The following AFF3 variants were observed in gnomAD, a reference collection of about 807,000 sequenced individuals.
AFF3 encodes the protein ALF transcription elongation factor 3, also known as AF4/FMR2 family member 3.
Under a neutral mutation model 129.7 loss-of-function variants are expected in AFF3, and 32 were observed. The ratio of observed to expected loss-of-function variants is 0.25; its 90% CI spans 0.19 to 0.33. AFF3 has a LOEUF of 0.33. AFF3 is among the 10% of genes least tolerant of loss of function. AFF3 has a pLI of 1.00. For missense variants in AFF3, 1,373 were observed against 1,592.0 expected, an observed-to-expected ratio of 0.86 and a Z score of 2.34; for synonymous variants, 644 against 635.4, an observed-to-expected ratio of 1.01 and a Z score of -0.20.
intron 12 of AFF3, among the ~76,000 whole-genome samples, chr2:99,669,799 G>T (rs1006628912): frequency 6.6e-6 from 1 of 152,060 alleles, no homozygotes; most frequent in African/African-American, 2.4e-5. Context: ...GTGAAACCCC[G>T]TCTCTAGTGA....
intron 7 of AFF3, among the ~76,000 whole-genome samples, chr2:99,858,507 C>T (rs1432811917): frequency 6.6e-6 from 1 of 152,074 alleles, no homozygotes; most frequent in East Asian, 1.9e-4. Context: ...GCCACAATCT[C>T]CCCACTGCAC....
chr2:99,715,672 A>G (rs1575773682), intron 11 of AFF3, among the ~76,000 whole-genome samples: 1 of 132,828 alleles, frequency 7.5e-6, no homozygotes, highest in South Asian at 2.7e-4. Flanking sequence ...GTCATTTCAA[A>G]TCTTTTTTTT....
In AFF3 at chr2:99,981,134, TCAGCCTCCCAAGTAGCTGGGATTACAGG is replaced by T. The variant is rs1679362005; in HGVS notation, c.873+25470_873+25497del. On this transcript the variant is annotated intron_variant, in intron 7 of 24. Coordinates refer to ENST00000672756, the MANE Select transcript of AFF3 (RefSeq NM_001386135.1). ...CCCAGGTTCAAGCGATTCTCCTGCC[TCAGCCTCCCAAGTAGCTGGGATTACAGG>T]CATGCACCACCATGCCCGGCTAATT... Among the ~76,000 whole-genome samples the T allele has an allele frequency of 2.6e-5, 4 of 152,322 alleles. No individual in the cohort carries two copies. The South Asian group carries it at 8.3e-4, about 32-fold the overall frequency.
intron 11 of AFF3, among the ~76,000 whole-genome samples, chr2:99,684,995 G>C (rs1674913185): frequency 6.7e-6 from 1 of 149,678 alleles, no homozygotes; most frequent in Non-Finnish European, 1.5e-5. Context: ...CTGAGGTGCA[G>C]TGGTGCTATC....
At chr2:99,796,108 G>A (rs1685542848) in intron 8 of AFF3, among the ~76,000 whole-genome samples, 1 of 152,072 alleles carries the variant, frequency 6.6e-6, no homozygotes, top group African/African-American at 2.4e-5. Context: ...ACTCTCACCT[G>A]CAATCAAAAC....
chr2:99,585,798 G>A lies in AFF3; in HGVS notation c.2591+1356C>T, dbSNP rs149811235. On this transcript the variant is annotated intron_variant, in intron 16 of 24. Coordinates refer to ENST00000672756, the MANE Select transcript of AFF3 (RefSeq NM_001386135.1). ...GGCTGGAGTGCCATGGCACAATCTC[G>A]GCTCCCTGCAACCTCTGCCTCCCGG... 3.8e-4 allele frequency among the ~76,000 whole-genome samples: 58 copies of A among 152,008 alleles called. 1 individual carries two copies. Among genetic ancestry groups the A allele is most frequent in the East Asian group, 2.3e-3 (12 of 5,174 alleles).
chr2:99,913,317 G>T (rs1576337306), intron 7 of AFF3, among the ~76,000 whole-genome samples: 1 of 152,230 alleles, frequency 6.6e-6, no homozygotes, highest in East Asian at 1.9e-4. Flanking sequence ...GTATACTGTG[G>T]ATAGTGGGAA....
chr2:99,791,258 G>T (rs376858124), intron 8 of AFF3, among the ~76,000 whole-genome samples: 1 of 152,220 alleles, frequency 6.6e-6, no homozygotes, highest in East Asian at 1.9e-4. Flanking sequence ...TTGGCGGATT[G>T]GTTCTAGGAC....
intron 8 of AFF3, among the ~76,000 whole-genome samples, chr2:99,771,999 G>T (rs1398305642): frequency 6.6e-6 from 1 of 152,180 alleles, no homozygotes. Context: ...GCTTCGGCAG[G>T]ATTTCTTAAG....
At chr2:99,637,859 T>C (rs563499757) in intron 13 of AFF3, among the ~76,000 whole-genome samples, 1 of 152,322 alleles carries the variant, frequency 6.6e-6, no homozygotes, top group African/African-American at 2.4e-5. Flanking sequence ...AAATGAACCA[T>C]TATGCATTAG....
At chr2:99,640,202 A>T (rs1044170559) in intron 13 of AFF3, among the ~76,000 whole-genome samples, 16 of 152,168 alleles carry the variant, frequency 1.1e-4, no homozygotes, top group African/African-American at 3.9e-4. Context: ...TTTCTATAAT[A>T]TCAATGTAAA....
At chr2:100,120,264 G>T (rs1691903961) in intron 2 of AFF3, among the ~76,000 whole-genome samples, 1 of 152,134 alleles carries the variant, frequency 6.6e-6, no homozygotes, top group Non-Finnish European at 1.5e-5. Context: ...GACACATTCA[G>T]CATGAAACCG....
rs915509056 is a variant in AFF3, at chr2:100,004,777, C to T, written c.873+1855G>A. Reference sequence around the variant, plus strand: ...TGTGGGAGTGGACTGATTAAACAGACAAGTGTTATAAGGTTCAAATTACAA... The same window carrying T: ...TGTGGGAGTGGACTGATTAAACAGATAAGTGTTATAAGGTTCAAATTACAA... On this transcript the variant is annotated intron_variant, in intron 7 of 24. Transcript: ENST00000672756. 1.3e-5 allele frequency among the ~76,000 whole-genome samples: 2 copies of T among 151,866 alleles called. 1 individual carries two copies. The highest frequency in any genetic ancestry group is 3.9e-4 in the East Asian group (2 of 5,182).
chr2:99,691,129 A>C (rs1272515566), intron 11 of AFF3, among the ~76,000 whole-genome samples: 2 of 152,046 alleles, frequency 1.3e-5, no homozygotes, highest in African/African-American at 4.8e-5. Context: ...CACCAAAATG[A>C]TATTAGCTGG....
At chr2:99,696,678 T>A (rs1007873988) in intron 11 of AFF3, among the ~76,000 whole-genome samples, 6 of 151,574 alleles carry the variant, frequency 4.0e-5, no homozygotes, top group Non-Finnish European at 1.5e-5. Flanking sequence ...CTTCTTTGAG[T>A]CAGGCTCTTA....
chr2:100,142,242 A>C (rs1044851879), intron 1 of AFF3, among the ~76,000 whole-genome samples: 1 of 152,052 alleles, frequency 6.6e-6, no homozygotes, highest in Non-Finnish European at 1.5e-5. Flanking sequence ...ACACGCACAC[A>C]CACTGACGGC....
At chr2:99,672,395 C>G in intron 12 of AFF3, 143 bp downstream of exon 12, 2 of 681,634 alleles carry the variant, frequency 2.9e-6, no homozygotes, top group South Asian at 2.2e-5. Flanking sequence ...ACTGACCCAA[C>G]TGCATAGAAG....
rs984238779 is a variant in AFF3 at position 99,550,397 on chromosome 2, A to C, written c.*1077T>G. On this transcript the variant is annotated 3_prime_UTR_variant, in exon 25 of 25. Coordinates refer to ENST00000672756, the MANE Select transcript of AFF3 (RefSeq NM_001386135.1). ...GTGCACATTCTGCATGAGGAGTGAG[A>C]GAATCAGCATTATCATGGCAAATAG... The C allele has an allele frequency of 4.3e-6, 1 of 230,550 alleles. No individual in the cohort carries two copies. The highest frequency in any genetic ancestry group is 5.6e-5 in the Admixed American group (1 of 17,716). 14.3% of individuals were successfully genotyped at this position (230,550 alleles called of 1,614,324 possible).
intron 11 of AFF3, chr2:99,707,586 T>C: frequency 1.0e-6 from 1 of 985,132 alleles, no homozygotes; most frequent in Non-Finnish European, 1.2e-6. Flanking sequence ...CCCCTTGCAA[T>C]TAATAAACAA....
Sources: gnomAD v4.1 joint callset for allele counts (sites outside exome capture counted in the v4.1 genomes callset) on GRCh38, gnomAD v4.1.1 for gene constraint, MANE v1.5 for transcripts, NCBI Gene and HGNC (gene_info 2026-07-23, HGNC 2026-07-21) for gene names.